The following TRIP12 variants were observed in gnomAD, a reference collection of about 807,000 sequenced individuals.
The protein encoded by TRIP12 is thyroid hormone receptor interactor 12, also known as E3 ubiquitin-protein ligase TRIP12.
In TRIP12, 25 loss-of-function variants were observed where a neutral mutation model predicts 244.2. The ratio of observed to expected loss-of-function variants is 0.10; its 90% CI spans 0.07 to 0.14. The LOEUF (loss-of-function observed/expected upper bound fraction) is 0.14. Among genes scored for constraint, TRIP12 ranks in the 10% least tolerant of loss-of-function variants. The probability of loss-of-function intolerance (pLI) is 1.00; values close to 1 mark genes in which losing one functional copy is unlikely to be tolerated. For synonymous variants in TRIP12, 905 were observed against 873.1 expected (o/e 1.04, Z -0.64); for missense variants, 1,677 against 2,486.4 (o/e 0.67, Z 6.92).
At chr2:229,899,792 C>T (rs1329071869) in intron 1 of TRIP12, among the ~76,000 whole-genome samples, 1 of 152,128 alleles carries the variant, frequency 6.6e-6, no homozygotes, top group East Asian at 1.9e-4. Flanking sequence ...CAAGAGACAA[C>T]TTCAGAAAGG....
At chr2:229,828,058 T>C (rs1327963557) in intron 8 of TRIP12, among the ~76,000 whole-genome samples, 2 of 152,222 alleles carry the variant, frequency 1.3e-5, no homozygotes, top group African/African-American at 4.8e-5. Flanking sequence ...GTGTGAACTG[T>C]TGTTGAATGA....
intron 5 of TRIP12, 101 bp from the exon 6 acceptor site, chr2:229,837,085 T>C: frequency 8.1e-7 from 1 of 1,235,778 alleles, no homozygotes; most frequent in Non-Finnish European, 1.0e-6. Context: ...AGCCAGTTTC[T>C]TCTTCGTCCT....
chr2:229,850,583 C>T (rs1279652047), intron 4 of TRIP12, among the ~76,000 whole-genome samples: 2 of 152,194 alleles, frequency 1.3e-5, no homozygotes, highest in Admixed American at 1.3e-4. Context: ...CGCTCGCTCT[C>T]GGCGCCTCCT....
intron 4 of TRIP12, among the ~76,000 whole-genome samples, chr2:229,844,547 C>T (rs540119432): frequency 1.3e-5 from 2 of 152,214 alleles, no homozygotes; most frequent in East Asian, 3.9e-4. Context: ...TTACACAGTC[C>T]CACAATCAAA....
At position 229,764,314 on chromosome 2, in the gene TRIP12, C is replaced by CA. The variant is rs940871600; in HGVS notation, c.*3239dup. On this transcript the variant is annotated 3_prime_UTR_variant, in exon 42 of 42. Coordinates refer to ENST00000675903, the MANE Select transcript of TRIP12 (RefSeq NM_001348323.3). ...CTAAGACTTATACAAAAGCATTTCT[C>CA]AGAGAATCATAAATACAGAATATGA... 16 of 152,136 alleles carry CA rather than the reference C, an allele frequency of 1.1e-4. No homozygotes were observed. Among genetic ancestry groups the CA allele is most frequent in the African/African-American group, 3.9e-4 (16 of 41,424 alleles). 9.4% of individuals were successfully genotyped at this position (152,136 alleles called of 1,614,324 possible).
chr2:229,797,611 A>C, intron 24 of TRIP12, 79 bp downstream of exon 24: 3 of 1,545,646 alleles, frequency 1.9e-6, no homozygotes, highest in Non-Finnish European at 2.6e-6. Context: ...AGGAAGCTAG[A>C]GAGTCATGAA....
chr2:229,831,013 T>A, intron 6 of TRIP12, 174 bp from the exon 7 acceptor site: 1 of 681,934 alleles, frequency 1.5e-6, no homozygotes, highest in South Asian at 1.7e-5. Context: ...CTTTTAGGAA[T>A]GAAAGGAGAG....
chr2:229,839,073 T>C (rs2055636645), intron 5 of TRIP12, among the ~76,000 whole-genome samples: 1 of 152,206 alleles, frequency 6.6e-6, no homozygotes, highest in African/African-American at 2.4e-5. Flanking sequence ...CTGCATAATG[T>C]TGTTTCTGTC....
chr2:229,785,636 G>A, intron 34 of TRIP12, 121 bp downstream of exon 34: 1 of 886,460 alleles, frequency 1.1e-6, no homozygotes, highest in South Asian at 2.0e-5. Flanking sequence ...AATCATTCAA[G>A]AGAAAAGAGA....
intron 17 of TRIP12, 138 bp downstream of exon 17, chr2:229,807,570 T>C (rs766605125): frequency 1.1e-4 from 129 of 1,122,020 alleles, no homozygotes; most frequent in Middle Eastern, 2.0e-4. Flanking sequence ...GACCTTGTTC[T>C]CAGGAGACAA....
At chr2:229,776,709 T>G (rs571325704) in intron 37 of TRIP12, among the ~76,000 whole-genome samples, 1 of 152,166 alleles carries the variant, frequency 6.6e-6, no homozygotes. Flanking sequence ...CACAAAAAAA[T>G]AGAATCTTGT....
chr2:229,911,767 G>A (rs981144140), intron 1 of TRIP12, among the ~76,000 whole-genome samples: 4 of 152,026 alleles, frequency 2.6e-5, no homozygotes, highest in African/African-American at 7.3e-5. Context: ...TATGCAGAGT[G>A]CAAAGCGAAT....
At chr2:229,780,273 A>G (rs1212444835) in intron 34 of TRIP12, among the ~76,000 whole-genome samples, 1 of 152,102 alleles carries the variant, frequency 6.6e-6, no homozygotes, top group Non-Finnish European at 1.5e-5. Context: ...GCATAATCCA[A>G]TCCATCAGAG....
In TRIP12 at chr2:229,847,133, G is replaced by A. The variant is rs556459261; in HGVS notation, c.1028-6206C>T. The stretch of plus-strand genomic sequence containing the variant: ...AGTGACTTAACAAGGAAAGAGTGGT[G>A]TAAATTACAAAGCTATACTTAATTA... On this transcript the variant is annotated intron_variant, in intron 4 of 41. Coordinates refer to ENST00000675903, the MANE Select transcript of TRIP12 (RefSeq NM_001348323.3). 8.5e-5 allele frequency among the ~76,000 whole-genome samples: 13 copies of A among 152,158 alleles called. No individual in the cohort carries two copies. The East Asian group carries it at 1.7e-3, about 20-fold the overall frequency.
intron 2 of TRIP12, among the ~76,000 whole-genome samples, chr2:229,862,769 G>C (rs996924939): frequency 6.6e-6 from 1 of 152,148 alleles, no homozygotes; most frequent in Admixed American, 6.5e-5. Flanking sequence ...CTTTTATATA[G>C]CTTATGTTAG....
At chr2:229,803,007 G>T (rs568327352) in intron 20 of TRIP12, among the ~76,000 whole-genome samples, 15 of 152,340 alleles carry the variant, frequency 9.8e-5, no homozygotes, top group Admixed American at 7.8e-4. Context: ...TCATAGGAGA[G>T]TATGTATGAA....
In TRIP12 at chr2:229,843,560, C is replaced by T. The variant is rs947649460; in HGVS notation, c.1028-2633G>A. Among the ~76,000 whole-genome samples the T allele has an allele frequency of 4.6e-5, 7 of 152,176 alleles. No homozygotes were observed. In the East Asian group the frequency reaches 1.2e-3, roughly 25 times the overall value. ...CTGGGCAACGCAGATCTTGTCCTCA[C>T]AAGAAAACCAAACCAAAACAACAAA... is the stretch of plus-strand genomic sequence containing the variant. On this transcript the variant is annotated intron_variant, in intron 4 of 41. Transcript: ENST00000675903.
chr2:229,787,841 C>T (rs2040469071), intron 32 of TRIP12, among the ~76,000 whole-genome samples, 180 bp from the exon 33 acceptor site: 1 of 152,164 alleles, frequency 6.6e-6, no homozygotes, highest in African/African-American at 2.4e-5. Context: ...TTGCTCCTGT[C>T]GCCCAGGCTG....
intron 4 of TRIP12, among the ~76,000 whole-genome samples, chr2:229,845,462 T>C (rs1446908274): frequency 6.6e-6 from 1 of 152,180 alleles, no homozygotes; most frequent in Non-Finnish European, 1.5e-5. Flanking sequence ...AGATTGTATG[T>C]GGTCAGCAAG....
Sources: allele counts gnomAD v4.1 joint callset (sites outside exome capture counted in the v4.1 genomes callset), GRCh38; gene constraint gnomAD v4.1.1; transcripts MANE v1.5; gene names NCBI Gene and HGNC (gene_info 2026-07-23, HGNC 2026-07-21).